Variants in DLG2 observed in about 807,000 individuals in gnomAD.
DLG2 encodes discs large MAGUK scaffold protein 2.
DLG2 carries 45 observed loss-of-function variants against 132.5 expected under a neutral mutation model. The observed-to-expected ratio is 0.34, with a 90% CI of 0.27 to 0.44. The LOEUF (loss-of-function observed/expected upper bound fraction) is 0.44, where lower values mean the gene tolerates loss of function less well. Ranked by LOEUF, DLG2 falls within the 20% of genes least tolerant of loss-of-function variation. DLG2 has a pLI of 1.00. For missense variants in DLG2, 1,045 were observed against 1,196.9 expected (o/e 0.87, Z 1.87); for synonymous variants, 424 against 419.6 (o/e 1.01, Z -0.13).
chr11:85,389,861 G>C (rs1210030248), intron 3 of DLG2, among the ~76,000 whole-genome samples: 1 of 152,114 alleles, frequency 6.6e-6, no homozygotes, highest in Non-Finnish European at 1.5e-5. Flanking sequence ...ACTAAAAGGA[G>C]CTCTAAATCT....
chr11:85,199,163 T>G (rs78032184), intron 4 of DLG2, among the ~76,000 whole-genome samples: 1 of 152,202 alleles, frequency 6.6e-6, no homozygotes, highest in African/African-American at 2.4e-5. Context: ...TGAATAACTC[T>G]TCAATAGATC....
At chr11:84,265,712 G>A (rs984984417) in intron 7 of DLG2, among the ~76,000 whole-genome samples, 1 of 152,148 alleles carries the variant, frequency 6.6e-6, no homozygotes, top group African/African-American at 2.4e-5. Flanking sequence ...AGTAGTAGTA[G>A]AGGTAGTCTT....
intron 7 of DLG2, among the ~76,000 whole-genome samples, chr11:84,257,504 A>G (rs1364973523): frequency 1.3e-5 from 2 of 152,148 alleles, no homozygotes; most frequent in African/African-American, 4.8e-5. Flanking sequence ...ACACAATTCT[A>G]TGAGACAAAC....
At chr11:85,022,478 TATAAAC>T (rs1394629371) in intron 6 of DLG2, among the ~76,000 whole-genome samples, 1 of 152,078 alleles carries the variant, frequency 6.6e-6, no homozygotes, top group Non-Finnish European at 1.5e-5. Flanking sequence ...CTGGATTACC[TATAAAC>T]ATAAACTAGG....
intron 7 of DLG2, among the ~76,000 whole-genome samples, chr11:84,479,105 C>G (rs758057811): frequency 2.0e-5 from 3 of 152,066 alleles, no homozygotes; most frequent in Non-Finnish European, 2.9e-5. Context: ...AAAGTGACTT[C>G]TTTAATAATG....
chr11:85,371,344 T>C (rs1315215522), intron 3 of DLG2, among the ~76,000 whole-genome samples: 2 of 152,206 alleles, frequency 1.3e-5, no homozygotes, highest in Non-Finnish European at 2.9e-5. Flanking sequence ...TTTTGGACTA[T>C]TTACGGCCTT....
chr11:84,930,750 G>C (rs578138966), intron 6 of DLG2, among the ~76,000 whole-genome samples: 3 of 151,894 alleles, frequency 2.0e-5, no homozygotes, highest in Non-Finnish European at 4.4e-5. Flanking sequence ...TTCTCTCTTC[G>C]TGATCCTCCT....
At chr11:84,800,226 C>T (rs2075201660) in intron 6 of DLG2, among the ~76,000 whole-genome samples, 1 of 152,166 alleles carries the variant, frequency 6.6e-6, no homozygotes, top group East Asian at 1.9e-4. Flanking sequence ...AGGCATTGCT[C>T]TCCCTTTCTC....
At chr11:85,512,480 T>C (rs1174015667) in intron 3 of DLG2, among the ~76,000 whole-genome samples, 1 of 152,106 alleles carries the variant, frequency 6.6e-6, no homozygotes, top group Non-Finnish European at 1.5e-5. Context: ...AAATATTATA[T>C]TGTGACCTTT....
At chr11:85,080,585 G>A (rs770399771) in intron 6 of DLG2, among the ~76,000 whole-genome samples, 3 of 152,066 alleles carry the variant, frequency 2.0e-5, no homozygotes, top group Non-Finnish European at 4.4e-5. Flanking sequence ...TGAAGATGAG[G>A]CTTCGGTTAA....
intron 7 of DLG2, among the ~76,000 whole-genome samples, chr11:84,515,836 G>A (rs927590945): frequency 6.6e-6 from 1 of 151,608 alleles, no homozygotes; most frequent in Non-Finnish European, 1.5e-5. Flanking sequence ...ATGTGTGAGG[G>A]TACAGAACAA....
At chr11:85,334,968 G>T (rs2082025177) in intron 3 of DLG2, among the ~76,000 whole-genome samples, 1 of 152,138 alleles carries the variant, frequency 6.6e-6, no homozygotes, top group South Asian at 2.1e-4. Context: ...TTTAGGTCCT[G>T]AATGTCTTTG....
rs1255979017 is a variant in DLG2, at chr11:83,904,350, T to A, written c.1496+25978A>T. On this transcript the variant is annotated intron_variant, in intron 15 of 27. Transcript: ENST00000376104. ...ATTGAGGACCACTGTGCTGTATAAT[T>A]ATAAAAATTAGTGTTATAAGCACAA... 2.6e-5 allele frequency among the ~76,000 whole-genome samples: 4 copies of A among 151,848 alleles called. No homozygotes were observed. The South Asian group carries it at 6.3e-4, about 24-fold the overall frequency.
rs3039336 is a variant in DLG2, at chr11:83,558,848, C to CGTGTGTGTGT, written c.1941-17000_1941-16991dup. 4.5e-3 allele frequency among the ~76,000 whole-genome samples: 647 copies of CGTGTGTGTGT among 142,322 alleles called. 7 individuals carry two copies. Among genetic ancestry groups the CGTGTGTGTGT allele is most frequent in the South Asian group, 0.025 (106 of 4,222 alleles). 93.4% of individuals were successfully genotyped at this position (142,322 alleles called of 152,430 possible). A position where few individuals can be genotyped will look rare whatever the true frequency, so the allele number is the denominator to read the frequency against. Reference sequence around the variant, plus strand: ...CCCGGTAAAAAACAGTGCTAGATGTCGTGTGTGTGTGTGTGTGTGTGTGTG... The same window carrying CGTGTGTGTGT: ...CCCGGTAAAAAACAGTGCTAGATGTCGTGTGTGTGTGTGTGTGTGTGTGTGTGTGTGTGTG... On this transcript the variant is annotated intron_variant, in intron 19 of 27. Transcript: ENST00000376104.
At chr11:84,858,238 C>T (rs187163981) in intron 6 of DLG2, among the ~76,000 whole-genome samples, 30 of 151,804 alleles carry the variant, frequency 2.0e-4, no homozygotes, top group African/African-American at 7.0e-4. Context: ...TCCTTAAGGG[C>T]CAAGTTTAGA....
chr11:84,051,418 C>T (rs1323870147), intron 11 of DLG2, among the ~76,000 whole-genome samples: 3 of 151,702 alleles, frequency 2.0e-5, no homozygotes, highest in Non-Finnish European at 4.4e-5. Context: ...ATATGGCACA[C>T]ATACACCATG....
At chr11:85,537,268 G>A (rs1037066312) in intron 3 of DLG2, among the ~76,000 whole-genome samples, 1 of 152,170 alleles carries the variant, frequency 6.6e-6, no homozygotes, top group Non-Finnish European at 1.5e-5. Context: ...ATGTGGGTGG[G>A]GCAAGATAAG....
At chr11:85,374,157 G>A (rs1565395839) in intron 3 of DLG2, among the ~76,000 whole-genome samples, 1 of 152,132 alleles carries the variant, frequency 6.6e-6, no homozygotes, top group South Asian at 2.1e-4. Flanking sequence ...AACACCCAGT[G>A]GCTCTCTGGC....
chr11:84,429,141 TTAC>T (rs1298510640), intron 7 of DLG2, among the ~76,000 whole-genome samples: 1 of 152,240 alleles, frequency 6.6e-6, no homozygotes, highest in Non-Finnish European at 1.5e-5. Context: ...TACATTCTTC[TTAC>T]TAATGGTCAA....
Sources: gnomAD v4.1 joint callset for allele counts (sites outside exome capture counted in the v4.1 genomes callset) on GRCh38, gnomAD v4.1.1 for gene constraint, MANE v1.5 for transcripts, NCBI Gene and HGNC (gene_info 2026-07-23, HGNC 2026-07-21) for gene names.